Variants in IL1RAPL1 observed in about 807,000 individuals in gnomAD.
IL1RAPL1 encodes interleukin-1 receptor accessory protein-like 1.
A neutral mutation model predicts 48.4 loss-of-function variants in IL1RAPL1; 3 were observed. That is an observed-to-expected ratio of 0.06 (90% CI 0.03 to 0.16). The LOEUF is 0.16. IL1RAPL1 is among the 10% of genes least tolerant of loss of function. IL1RAPL1 has a pLI of 1.00. For missense variants in IL1RAPL1, 349 were observed against 530.6 expected (o/e 0.66, Z 3.36); for synonymous variants, 185 against 187.7 (o/e 0.99, Z 0.12).
chrX:29,309,349 A>G (rs1015547992), intron 3 of IL1RAPL1, among the ~76,000 whole-genome samples: 2 of 111,053 alleles, frequency 1.8e-5, no homozygotes, highest in Non-Finnish European at 3.8e-5. Context: ...TTAGGCTCCT[A>G]CCCTCCCACA....
chrX:29,405,704 C>T (rs1934056553), intron 5 of IL1RAPL1, among the ~76,000 whole-genome samples: 1 of 109,527 alleles, frequency 9.1e-6, no homozygotes, highest in Non-Finnish European at 1.9e-5. Context: ...TTTTTTTTCT[C>T]TGTAGATTGA....
At chrX:29,527,421 T>G (rs1333138284) in intron 5 of IL1RAPL1, among the ~76,000 whole-genome samples, 1 of 88,294 alleles carries the variant, frequency 1.1e-5, no homozygotes, top group Non-Finnish European at 2.1e-5. Context: ...CACTGCAACC[T>G]CCGCATCCCG....
intron 2 of IL1RAPL1, among the ~76,000 whole-genome samples, chrX:29,079,615 T>A (rs112456077): frequency 0.012 from 1,282 of 109,470 alleles, 10 homozygotes; most frequent in Middle Eastern, 0.053. Context: ...AATGTGTGTG[T>A]GATTAAGAAA....
intron 5 of IL1RAPL1, among the ~76,000 whole-genome samples, chrX:29,545,819 C>T (rs953261182): frequency 1.7e-4 from 19 of 111,706 alleles, no homozygotes; most frequent in Non-Finnish European, 3.0e-4. Context: ...GTGGACAAAA[C>T]CACTCTTTTC....
At chrX:29,829,155 TACAC>T (rs57560936) in intron 6 of IL1RAPL1, among the ~76,000 whole-genome samples, 11,432 of 61,548 alleles carry the variant, frequency 0.19, 995 homozygotes, top group Middle Eastern at 0.23. Flanking sequence ...GACAAAAACC[TACAC>T]ACACACACAC....
intron 2 of IL1RAPL1, among the ~76,000 whole-genome samples, chrX:28,858,706 C>T (rs1049633587): frequency 1.8e-5 from 2 of 112,350 alleles, no homozygotes; most frequent in African/African-American, 6.5e-5. Flanking sequence ...AAAAAATTTG[C>T]GCAACTCGCG....
rs183761192 is a variant in IL1RAPL1 at position 28,777,022 on chromosome X, A to G, written c.-24-12298A>G. On this transcript the variant is annotated intron_variant, in intron 1 of 10. Coordinates refer to ENST00000378993, the MANE Select transcript of IL1RAPL1 (RefSeq NM_014271.4). ...TTGCTGCTGTAACAAAGTATCACAA[A>G]CTTCGTGGCTCAAAACAACATAGAT... Among the ~76,000 whole-genome samples the G allele has an allele frequency of 5.3e-4, 60 of 112,185 alleles. 1 individual carries two copies. The highest frequency in any genetic ancestry group is 4.8e-3 in the Admixed American group (51 of 10,535).
At chrX:28,936,397 C>G (rs1439623156) in intron 2 of IL1RAPL1, among the ~76,000 whole-genome samples, 2 of 109,858 alleles carry the variant, frequency 1.8e-5, no homozygotes, top group Admixed American at 2.0e-4. Context: ...GTAGTTGTAA[C>G]TACTTGGGAG....
intron 2 of IL1RAPL1, among the ~76,000 whole-genome samples, chrX:29,263,860 TC>T (rs34183350): frequency 0.21 from 17,033 of 80,465 alleles, 1,825 homozygotes; most frequent in South Asian, 0.34. Context: ...TCTCTCTCTC[TC>T]CCCCCCCCCC....
At chrX:28,892,297 T>C (rs1167002493) in intron 2 of IL1RAPL1, among the ~76,000 whole-genome samples, 1 of 104,194 alleles carries the variant, frequency 9.6e-6, no homozygotes, top group African/African-American at 3.5e-5. Flanking sequence ...GGGGGGTTGT[T>C]CTCTGGCGGG....
At chrX:28,819,068 G>T (rs1936901090) in intron 2 of IL1RAPL1, among the ~76,000 whole-genome samples, 1 of 110,772 alleles carries the variant, frequency 9.0e-6, no homozygotes, top group Non-Finnish European at 1.9e-5. Flanking sequence ...CTATGTTTGT[G>T]TTTATATGTG....
intron 2 of IL1RAPL1, among the ~76,000 whole-genome samples, chrX:29,002,916 TACACAC>T (rs371924976): frequency 4.9e-5 from 5 of 102,979 alleles, no homozygotes; most frequent in African/African-American, 7.1e-5. Context: ...GTTATGTGTG[TACACAC>T]ACACACACAC....
At chrX:29,670,922 A>G (rs1481840991) in intron 6 of IL1RAPL1, among the ~76,000 whole-genome samples, 1 of 111,929 alleles carries the variant, frequency 8.9e-6, no homozygotes, top group Non-Finnish European at 1.9e-5. Context: ...TTACGGTCCA[A>G]GTATTCAGAG....
chrX:28,784,337 T>C (rs1435317422), intron 1 of IL1RAPL1, among the ~76,000 whole-genome samples: 1 of 112,246 alleles, frequency 8.9e-6, no homozygotes, highest in Non-Finnish European at 1.9e-5. Flanking sequence ...GGCAAAACTT[T>C]AAATATTAAG....
At chrX:29,806,075 C>T (rs1416456555) in intron 6 of IL1RAPL1, among the ~76,000 whole-genome samples, 4 of 109,964 alleles carry the variant, frequency 3.6e-5, no homozygotes, top group Admixed American at 9.8e-5. Flanking sequence ...AGAAATACAG[C>T]TGATTCAGTT....
At position 29,293,145 on chromosome X, in the gene IL1RAPL1, T is replaced by C. The variant is rs778466538; in HGVS notation, c.362+9928T>C. ...AGCAATAATTAGCCAAATTGCTATA[T>C]TTCTGGGTTGTGCTCTTTTCAAAAA... On this transcript the variant is annotated intron_variant, in intron 3 of 10. Coordinates refer to ENST00000378993, the MANE Select transcript of IL1RAPL1 (RefSeq NM_014271.4). Among the ~76,000 whole-genome samples the C allele has an allele frequency of 1.2e-4, 13 of 112,146 alleles. No homozygotes were observed. In the South Asian group the frequency reaches 4.1e-3, roughly 35 times the overall value.
intron 2 of IL1RAPL1, among the ~76,000 whole-genome samples, chrX:28,963,009 T>G (rs1433337093): frequency 9.0e-6 from 1 of 110,554 alleles, no homozygotes; most frequent in Admixed American, 9.8e-5. Context: ...CTCACTTACT[T>G]AGAGTGCTTT....
At position 28,896,292 on chromosome X, in the gene IL1RAPL1, T is replaced by G. The variant is rs188595860; in HGVS notation, c.82+106867T>G. Among the ~76,000 whole-genome samples the G allele has an allele frequency of 5.2e-3, 584 of 111,884 alleles. 7 individuals carry two copies. The highest frequency in any genetic ancestry group is 0.018 in the African/African-American group (556 of 30,730). On this transcript the variant is annotated intron_variant, in intron 2 of 10. Transcript: ENST00000378993. ...TGGAATTTAATTTTTGGAGTTTTATTTAATGTCAGGAGCGGATTGGGTAAT... is the reference window on the plus strand; with the variant it reads ...TGGAATTTAATTTTTGGAGTTTTATGTAATGTCAGGAGCGGATTGGGTAAT...
intron 1 of IL1RAPL1, among the ~76,000 whole-genome samples, chrX:28,769,947 A>G (rs1936291707): frequency 8.9e-6 from 1 of 111,958 alleles, no homozygotes; most frequent in African/African-American, 3.2e-5. Flanking sequence ...TTGACCTCAC[A>G]AAGATCTTAA....
Sources: gnomAD v4.1 joint callset for allele counts (sites outside exome capture counted in the v4.1 genomes callset) on GRCh38, gnomAD v4.1.1 for gene constraint, MANE v1.5 for transcripts, NCBI Gene and HGNC (gene_info 2026-07-23, HGNC 2026-07-21) for gene names.